Variants in BMP7 observed in about 807,000 individuals in gnomAD.
BMP7 encodes bone morphogenetic protein 7, also known as osteogenic protein 1.
A neutral mutation model predicts 41.2 loss-of-function variants in BMP7; 12 were observed. The ratio of observed to expected loss-of-function variants is 0.29; its 90% CI spans 0.19 to 0.47. BMP7 has a LOEUF of 0.47. BMP7 is among the 20% of genes least tolerant of loss of function. The pLI is 0.99. For synonymous variants in BMP7, 248 were observed against 250.0 expected, an observed-to-expected ratio of 0.99 and a Z score of 0.07; for missense variants, 467 against 606.0, an observed-to-expected ratio of 0.77 and a Z score of 2.41.
intron 2 of BMP7, among the ~76,000 whole-genome samples, chr20:57,219,101 TTGG>T (rs1387779231): frequency 6.9e-6 from 1 of 144,854 alleles, no homozygotes; most frequent in Admixed American, 6.6e-5. Context: ...TAGCTGGTGT[TTGG>T]TGGTAGCTGG....
Position 57,202,494 on chromosome 20 carries a change from G to T in BMP7, c.741C>A (p.Leu247=). The T allele has an allele frequency of 6.2e-7, 1 of 1,607,122 alleles. No homozygotes were observed. Among genetic ancestry groups the T allele is most frequent in the Non-Finnish European group, 8.5e-7 (1 of 1,179,876 alleles). ...ACTCACCATCCAGCGTCTCCACCGA[G>T]AGCTGCAGGCCCAGGTTGTGCCGCG... The part of the protein sequence containing the change: ...VNPRHNLGLQ[L]SVETLDGQSI... The change falls in exon 3 of 7, where the codon CTC becomes CTA. Residue 247 remains leucine, a synonymous_variant. Transcript: ENST00000395863.
intron 1 of BMP7, among the ~76,000 whole-genome samples, chr20:57,238,154 C>T (rs1050333826): frequency 1.2e-4 from 18 of 152,298 alleles, no homozygotes; most frequent in Non-Finnish European, 2.2e-4. Flanking sequence ...CACCCTTCTA[C>T]TTTCTGTCTC....
At chr20:57,187,035 T>G (rs1984228489) in intron 3 of BMP7, 2 of 152,260 alleles carry the variant, frequency 1.3e-5, no homozygotes, top group Non-Finnish European at 2.9e-5. Context: ...GAAAAGCTGA[T>G]GCTGTTCCAG....
At chr20:57,264,801 G>A (rs2066168472) in intron 1 of BMP7, among the ~76,000 whole-genome samples, 1 of 152,180 alleles carries the variant, frequency 6.6e-6, no homozygotes, top group Admixed American at 6.5e-5. Context: ...GGAGGCTGAG[G>A]CGGGAGGATC....
chr20:57,210,214 T>G (rs1984845864), intron 2 of BMP7, among the ~76,000 whole-genome samples: 1 of 152,166 alleles, frequency 6.6e-6, no homozygotes, highest in Admixed American at 6.5e-5. Flanking sequence ...GAGGCGTTAA[T>G]ATTTAACCAC....
At chr20:57,188,100 G>A (rs1019057647) in intron 3 of BMP7, among the ~76,000 whole-genome samples, 14 of 152,252 alleles carry the variant, frequency 9.2e-5, no homozygotes, top group African/African-American at 2.2e-4. Flanking sequence ...ACTCCTAGGC[G>A]TGTACCCACG....
At chr20:57,265,664 C>T in intron 1 of BMP7, 41 bp downstream of exon 1, 3 of 1,568,716 alleles carry the variant, frequency 1.9e-6, no homozygotes, top group East Asian at 2.4e-5. Flanking sequence ...TCTCAAAGTG[C>T]CCCCGAAAGG....
At chr20:57,188,157 GGCA>G (rs1984263198) in intron 3 of BMP7, among the ~76,000 whole-genome samples, 1 of 152,094 alleles carries the variant, frequency 6.6e-6, no homozygotes, top group Non-Finnish European at 1.5e-5. Flanking sequence ...CACAAGAGTT[GGCA>G]GCAGCATTAT....
chr20:57,239,627 G>A (rs769101189), intron 1 of BMP7, among the ~76,000 whole-genome samples: 7 of 152,174 alleles, frequency 4.6e-5, no homozygotes, highest in Non-Finnish European at 8.8e-5. Context: ...CTGCCCTAGC[G>A]GAGGTTCTCC....
At chr20:57,179,942 C>T (rs1984036315) in intron 4 of BMP7, among the ~76,000 whole-genome samples, 1 of 152,010 alleles carries the variant, frequency 6.6e-6, no homozygotes, top group Admixed American at 6.5e-5. Context: ...GATGAGGAGG[C>T]GGTGGGGAAA....
At chr20:57,245,930 G>T (rs2066089115) in intron 1 of BMP7, among the ~76,000 whole-genome samples, 1 of 152,180 alleles carries the variant, frequency 6.6e-6, no homozygotes, top group Admixed American at 6.5e-5. Flanking sequence ...CAGCCAGCAT[G>T]CCCGGCCATG....
intron 2 of BMP7, among the ~76,000 whole-genome samples, chr20:57,222,841 T>G (rs568323144): frequency 1.3e-5 from 1 of 75,154 alleles, no homozygotes; most frequent in East Asian, 2.5e-4. Flanking sequence ...TCCAGAGGCT[T>G]CTGGAAGCTT....
chr20:57,203,648 T>G (rs1984672358), intron 2 of BMP7, among the ~76,000 whole-genome samples: 1 of 152,214 alleles, frequency 6.6e-6, no homozygotes, highest in African/African-American at 2.4e-5. Flanking sequence ...TGAAAGATCT[T>G]CATAACATTT....
At chr20:57,195,481 G>A (rs992404649) in intron 3 of BMP7, among the ~76,000 whole-genome samples, 8 of 152,156 alleles carry the variant, frequency 5.3e-5, no homozygotes, top group Non-Finnish European at 8.8e-5. Context: ...GCCCTGGAAG[G>A]ACCGATCCCC....
intron 2 of BMP7, among the ~76,000 whole-genome samples, chr20:57,222,395 T>C (rs1985209214): frequency 6.6e-6 from 1 of 152,142 alleles, no homozygotes; most frequent in Non-Finnish European, 1.5e-5. Flanking sequence ...ACTGGCTGTG[T>C]CTCTGGCATT....
chr20:57,172,926 A>G, intron 6 of BMP7: 2 of 603,756 alleles, frequency 3.3e-6, no homozygotes, highest in East Asian at 5.5e-5. Flanking sequence ...CAATACTACA[A>G]GCATCCTCAA....
chr20:57,216,645 G>A (rs537318425), intron 2 of BMP7, among the ~76,000 whole-genome samples: 32 of 151,392 alleles, frequency 2.1e-4, no homozygotes, highest in Admixed American at 1.9e-3. Context: ...AGGGGGCTGG[G>A]GAATTCTCCA....
intron 3 of BMP7, among the ~76,000 whole-genome samples, chr20:57,193,961 TG>T (rs1984434468): frequency 6.6e-6 from 1 of 152,196 alleles, no homozygotes; most frequent in South Asian, 2.1e-4. Flanking sequence ...CAGAAGTGGC[TG>T]GTGCGGACCC....
chr20:57,255,375 T>C (rs1049489961), intron 1 of BMP7, among the ~76,000 whole-genome samples: 3 of 152,208 alleles, frequency 2.0e-5, no homozygotes, highest in African/African-American at 7.2e-5. Context: ...TCTGAATCCA[T>C]TGCTGCTACA....
Sources: allele counts gnomAD v4.1 joint callset (sites outside exome capture counted in the v4.1 genomes callset), GRCh38; gene constraint gnomAD v4.1.1; transcripts MANE v1.5; gene names NCBI Gene and HGNC (gene_info 2026-07-23, HGNC 2026-07-21).